Variants in SLC35D4 observed in about 807,000 individuals in gnomAD.
The protein encoded by SLC35D4 is UDP-N-acetylglucosamine transporter SLC35D4.
At chr18:23,369,615 T>C in the SLC35D4 span, among the ~76,000 whole-genome samples, 1 of 152,124 alleles carries the variant, frequency 6.6e-6, no homozygotes, top group Non-Finnish European at 1.5e-5. Flanking sequence ...TTCATTCACA[T>C]GTCATCTGAG....
chr18:23,321,417 A>G, the SLC35D4 span, among the ~76,000 whole-genome samples: 1 of 151,642 alleles, frequency 6.6e-6, no homozygotes, highest in African/African-American at 2.4e-5. Context: ...GCCAACCACT[A>G]TTTCCCTAGA....
At chr18:23,356,771 T>C in the SLC35D4 span, 1 of 908,134 alleles carries the variant, frequency 1.1e-6, no homozygotes, top group Non-Finnish European at 1.7e-6. This position sits in a 1 kb window ranked among gnomAD's most constrained non-coding sequence, Gnocchi z 4.1. Context: ...TCCTGTGCTT[T>C]CAGTCCCCTG....
chr18:23,373,133 G>GT, the SLC35D4 span, among the ~76,000 whole-genome samples: 1 of 152,146 alleles, frequency 6.6e-6, no homozygotes, highest in Non-Finnish European at 1.5e-5. Flanking sequence ...GGCCAAGATG[G>GT]AGAAACCTCA....
the SLC35D4 span, among the ~76,000 whole-genome samples, chr18:23,363,480 T>C: frequency 7.1e-6 from 1 of 141,678 alleles, no homozygotes; most frequent in African/African-American, 2.6e-5. Flanking sequence ...GTTCACGCCA[T>C]TCTCCTGCGT....
chr18:23,357,725 G>T, the SLC35D4 span, among the ~76,000 whole-genome samples: 4 of 152,204 alleles, frequency 2.6e-5, no homozygotes, highest in African/African-American at 9.6e-5. Flanking sequence ...AGACCCAAAC[G>T]ATCTCAAATG....
the SLC35D4 span, among the ~76,000 whole-genome samples, chr18:23,245,014 GTCTGCTCT>G: frequency 6.6e-6 from 1 of 152,222 alleles, no homozygotes; most frequent in Non-Finnish European, 1.5e-5. Context: ...CCAACAACCT[GTCTGCTCT>G]GAGACCCTCA....
chr18:23,310,221 A>C, the SLC35D4 span: 2 of 985,324 alleles, frequency 2.0e-6, no homozygotes, highest in Non-Finnish European at 2.4e-6. Flanking sequence ...GTCCTCACCT[A>C]ATGCTCCCAT....
At chr18:23,241,508 C>T in the SLC35D4 span, among the ~76,000 whole-genome samples, 1 of 152,024 alleles carries the variant, frequency 6.6e-6, no homozygotes, top group Non-Finnish European at 1.5e-5. Flanking sequence ...TCAGCCTGGG[C>T]GACAAGCGAA....
the SLC35D4 span, among the ~76,000 whole-genome samples, chr18:23,392,321 A>T: frequency 1.3e-5 from 2 of 152,170 alleles, no homozygotes; most frequent in African/African-American, 4.8e-5. Flanking sequence ...GCTACCACAC[A>T]TCCTCTCTGG....
chr18:23,303,251 G>C, the SLC35D4 span, among the ~76,000 whole-genome samples: 1 of 152,228 alleles, frequency 6.6e-6, no homozygotes, highest in East Asian at 1.9e-4. Context: ...AATTCCTTCA[G>C]GCTGAAAACA....
At chr18:23,300,894 C>A in the SLC35D4 span, among the ~76,000 whole-genome samples, 1 of 152,218 alleles carries the variant, frequency 6.6e-6, no homozygotes, top group East Asian at 1.9e-4. Flanking sequence ...CTATGAGGGA[C>A]CGAAGCCTCC....
the SLC35D4 span, among the ~76,000 whole-genome samples, chr18:23,353,398 G>A: frequency 1.2e-4 from 19 of 152,092 alleles, no homozygotes; most frequent in Non-Finnish European, 2.6e-4. Flanking sequence ...GCTGCTCTTC[G>A]TATTTTCAAC....
the SLC35D4 span, among the ~76,000 whole-genome samples, chr18:23,408,810 ATC>A: frequency 7.3e-6 from 1 of 136,940 alleles, no homozygotes; most frequent in Non-Finnish European, 1.6e-5. Flanking sequence ...TCTATATCTT[ATC>A]TCTCTTTTTT....
At chr18:23,383,427 AG>A in the SLC35D4 span, among the ~76,000 whole-genome samples, 3 of 149,804 alleles carry the variant, frequency 2.0e-5, no homozygotes, top group Non-Finnish European at 4.5e-5. Flanking sequence ...AGGCCAGAGG[AG>A]AAAGCGGGGG....
the SLC35D4 span, chr18:23,257,644 G>A: frequency 3.1e-6 from 1 of 323,900 alleles, no homozygotes; most frequent in Non-Finnish European, 5.5e-6. Context: ...ATCCCTAGCT[G>A]CCCCAGCCCA....
chr18:23,257,381 G>A, the SLC35D4 span: 3 of 1,580,242 alleles, frequency 1.9e-6, no homozygotes, highest in Middle Eastern at 1.7e-4. Context: ...TGGCCCCGAG[G>A]ACAGCCAAGG....
At chr18:23,420,397 CAGGGTCT>C in the SLC35D4 span, among the ~76,000 whole-genome samples, 1 of 151,858 alleles carries the variant, frequency 6.6e-6, no homozygotes, top group Non-Finnish European at 1.5e-5. Context: ...TTTTTTGAGG[CAGGGTCT>C]CTGCTGTGTC....
At chr18:23,283,238 G>A in the SLC35D4 span, among the ~76,000 whole-genome samples, 1 of 152,104 alleles carries the variant, frequency 6.6e-6, no homozygotes, top group African/African-American at 2.4e-5. Context: ...TGTAACCCCA[G>A]TACTTTGGGA....
the SLC35D4 span, among the ~76,000 whole-genome samples, chr18:23,421,187 C>T: frequency 9.9e-5 from 15 of 152,054 alleles, no homozygotes; most frequent in Admixed American, 7.9e-4. Context: ...GAGGTTGCAG[C>T]GAGCCAAGAT....
Sources: gnomAD v4.1 joint callset for allele counts (sites outside exome capture counted in the v4.1 genomes callset) on GRCh38, gnomAD v4.1.1 for gene constraint, Gnocchi (gnomAD v3.1) non-coding constraint, MANE v1.5 for transcripts, NCBI Gene and HGNC (gene_info 2026-07-23, HGNC 2026-07-21) for gene names.